The following DMD variants were observed in gnomAD, a reference collection of about 807,000 sequenced individuals.
DMD encodes the protein dystrophin.
A neutral mutation model predicts 330.1 loss-of-function variants in DMD; 63 were observed. The observed-to-expected ratio is 0.19, with a 90% CI of 0.16 to 0.24. The LOEUF (loss-of-function observed/expected upper bound fraction) is 0.24, where lower values mean the gene tolerates loss of function less well. Among genes scored for constraint, DMD ranks in the 10% least tolerant of loss-of-function variants. The pLI is 1.00. For missense variants in DMD, 3,344 were observed against 2,684.1 expected, an observed-to-expected ratio of 1.25 and a Z score of -5.43; for synonymous variants, 1,223 against 959.8, an observed-to-expected ratio of 1.27 and a Z score of -5.07.
intron 51 of DMD, among the ~76,000 whole-genome samples, chrX:31,760,494 C>A (rs1011913902): frequency 9.0e-6 from 1 of 111,716 alleles, no homozygotes; most frequent in African/African-American, 3.3e-5. Context: ...CAAATACTTG[C>A]CATCGTGTTC....
intron 1 of DMD, among the ~76,000 whole-genome samples, chrX:33,098,395 T>C (rs2095198071): frequency 1.8e-5 from 2 of 111,962 alleles, no homozygotes; most frequent in African/African-American, 6.5e-5. Flanking sequence ...CTTTGAATTA[T>C]AGTTTCTCAT....
intron 7 of DMD, among the ~76,000 whole-genome samples, chrX:32,749,613 G>A (rs1330832182): frequency 8.9e-6 from 1 of 112,393 alleles, no homozygotes; most frequent in East Asian, 2.8e-4. Context: ...GAAATGAAGT[G>A]GAAATGTTCA....
intron 44 of DMD, among the ~76,000 whole-genome samples, chrX:32,115,252 T>C (rs2096605491): frequency 1.8e-5 from 2 of 111,558 alleles, no homozygotes; most frequent in Admixed American, 9.6e-5. Context: ...TTTATTTATT[T>C]TGAGACAGGG....
At chrX:32,742,782 CAAGT>C (rs2069466570) in intron 7 of DMD, among the ~76,000 whole-genome samples, 1 of 112,076 alleles carries the variant, frequency 8.9e-6, no homozygotes, top group African/African-American at 3.2e-5. Flanking sequence ...TGATATTTGA[CAAGT>C]AAGTAATCTT....
chrX:31,126,556 C>A (rs1601967993), intron 78 of DMD, 86 bp downstream of exon 78: 1 of 849,591 alleles, frequency 1.2e-6, no homozygotes, highest in East Asian at 3.1e-5. Flanking sequence ...TGCGCGTGCA[C>A]ACACACAATT....
At chrX:31,935,724 T>C (rs887678753) in intron 45 of DMD, among the ~76,000 whole-genome samples, 3 of 111,159 alleles carry the variant, frequency 2.7e-5, no homozygotes, top group Admixed American at 1.9e-4. Flanking sequence ...GGCAAGGCTT[T>C]TAAACATTTT....
intron 12 of DMD, among the ~76,000 whole-genome samples, chrX:32,606,673 T>A (rs898473692): frequency 9.3e-6 from 1 of 108,073 alleles, no homozygotes; most frequent in African/African-American, 3.3e-5. Context: ...CAGTAAATGA[T>A]TGGATAAAGA....
intron 15 of DMD, among the ~76,000 whole-genome samples, chrX:32,572,548 G>T (rs1452884035): frequency 1.2e-5 from 1 of 81,224 alleles, no homozygotes; most frequent in Non-Finnish European, 2.7e-5. Flanking sequence ...AGAAACTTTA[G>T]AGTTTTTTTT....
chrX:32,739,440 A>C (rs1279933252), intron 7 of DMD, among the ~76,000 whole-genome samples: 1 of 112,158 alleles, frequency 8.9e-6, no homozygotes, highest in Admixed American at 9.5e-5. Flanking sequence ...CACAAGTGTA[A>C]GATTACCATA....
chrX:32,752,519 G>C (rs918671792), intron 7 of DMD, among the ~76,000 whole-genome samples: 1 of 106,461 alleles, frequency 9.4e-6, no homozygotes, highest in Non-Finnish European at 1.9e-5. Flanking sequence ...GATTTTATAG[G>C]CTCACAGGCA....
chrX:33,095,681 A>G (rs2095148177), intron 1 of DMD, among the ~76,000 whole-genome samples: 1 of 111,570 alleles, frequency 9.0e-6, no homozygotes, highest in Non-Finnish European at 1.9e-5. Flanking sequence ...TCATATTTTA[A>G]ATTTGCCTCA....
At chrX:32,764,611 T>C (rs893133348) in intron 7 of DMD, among the ~76,000 whole-genome samples, 16 of 112,026 alleles carry the variant, frequency 1.4e-4, no homozygotes, top group African/African-American at 5.2e-4. Context: ...CATGCTATAA[T>C]GTGTGTCAGA....
chrX:31,946,808 T>TC (rs773954686), intron 45 of DMD, among the ~76,000 whole-genome samples: 1 of 110,051 alleles, frequency 9.1e-6, no homozygotes, highest in East Asian at 2.9e-4. Flanking sequence ...TTTTTTTTTT[T>TC]CTCCACTGGG....
chrX:32,138,202 T>G (rs765303274), intron 44 of DMD, among the ~76,000 whole-genome samples: 2 of 110,993 alleles, frequency 1.8e-5, no homozygotes, highest in South Asian at 7.9e-4. Context: ...GCTTCATTTA[T>G]GACACTGCTA....
intron 57 of DMD, among the ~76,000 whole-genome samples, chrX:31,487,623 A>G (rs1479214638): frequency 9.0e-6 from 1 of 110,827 alleles, no homozygotes; most frequent in African/African-American, 3.3e-5. Flanking sequence ...TTGAGCAACA[A>G]CTCGCCCTTA....
intron 16 of DMD, among the ~76,000 whole-genome samples, chrX:32,564,359 T>A (rs1451085194): frequency 8.9e-6 from 1 of 111,936 alleles, no homozygotes; most frequent in African/African-American, 3.2e-5. Context: ...GACCATTTTA[T>A]GGCAGCAATA....
chrX:33,007,924 AT>A (rs1024378425), intron 2 of DMD, among the ~76,000 whole-genome samples: 3 of 110,446 alleles, frequency 2.7e-5, no homozygotes, highest in Admixed American at 9.7e-5. Flanking sequence ...GATCGAAGAC[AT>A]TTTTTTTTCT....
At chrX:32,719,995 C>T (rs1018256310) in intron 7 of DMD, among the ~76,000 whole-genome samples, 10 of 110,023 alleles carry the variant, frequency 9.1e-5, no homozygotes, top group Non-Finnish European at 1.5e-4. Flanking sequence ...TATACACACA[C>T]ACACGTTTTA....
At chrX:31,962,156 A>G (rs1175233030) in intron 45 of DMD, among the ~76,000 whole-genome samples, 1 of 111,450 alleles carries the variant, frequency 9.0e-6, no homozygotes, top group Non-Finnish European at 1.9e-5. Flanking sequence ...AAAGGAGAAT[A>G]GCAACTATTT....
Sources: allele counts gnomAD v4.1 joint callset (sites outside exome capture counted in the v4.1 genomes callset), GRCh38; gene constraint gnomAD v4.1.1; transcripts MANE v1.5; gene names NCBI Gene and HGNC (gene_info 2026-07-23, HGNC 2026-07-21).